The following CST9 variants were observed in gnomAD, a reference collection of about 807,000 sequenced individuals.
CST9 encodes cystatin 9.
Under a neutral mutation model 7.7 loss-of-function variants are expected in CST9, and 11 were observed. The observed-to-expected ratio is 1.44, with a 90% CI of 0.90 to 2.38. The LOEUF is 2.38. Ranked by LOEUF, CST9 falls within the 30% of genes most tolerant of loss-of-function variation. CST9 has a pLI of 0.00. For missense variants in CST9, 214 were observed against 199.1 expected, an observed-to-expected ratio of 1.07 and a Z score of -0.45; for synonymous variants, 71 against 74.3, an observed-to-expected ratio of 0.96 and a Z score of 0.23.
rs774661361 is a variant in CST9, at chr20:23,605,833, G to A, written c.32C>T (p.Pro11Leu). The change falls in exon 1 of 2, where the codon CCC becomes CTC. Residue 11 changes from proline to leucine, a missense_variant. Coordinates refer to ENST00000376971, the MANE Select transcript of CST9 (RefSeq NM_001008693.3). The stretch of plus-strand genomic sequence containing the variant: ...CATGAGAAGCAGTGACAGTGCCCAG[G>A]GCATAGCCTTCCTCCTCTGCGGACT... MSSPQRRKAM[P>L]WALSLLLMGF... 7 of 1,614,136 alleles carry A rather than the reference G, an allele frequency of 4.3e-6. No homozygotes were observed. The Admixed American group carries it at 1.2e-4, about 27-fold the overall frequency.
At chr20:23,603,907 C>T (rs1327540062) in intron 1 of CST9, among the ~76,000 whole-genome samples, 173 bp from the exon 2 acceptor site, 2 of 152,138 alleles carry the variant, frequency 1.3e-5, no homozygotes, top group Non-Finnish European at 2.9e-5. Flanking sequence ...CTTCTCTAGA[C>T]TGAGGAGTTA....
Position 23,605,903 on chromosome 20 carries a change from T to A in CST9, c.-39A>T, listed in dbSNP as rs1222309935. 2 of 1,608,642 alleles carry A rather than the reference T, an allele frequency of 1.2e-6. No individual in the cohort carries two copies. Among genetic ancestry groups the A allele is most frequent in the Admixed American group, 3.4e-5 (2 of 59,642 alleles). ...GCAGCCCTTGCCTTTGCCCTTCAGATCCCTGGCGTCCACTGGAGCCTTCCA... is the reference window on the plus strand; with the variant it reads ...GCAGCCCTTGCCTTTGCCCTTCAGAACCCTGGCGTCCACTGGAGCCTTCCA... On this transcript the variant is annotated 5_prime_UTR_variant, in exon 1 of 2. Transcript: ENST00000376971.
rs1272642101 is a variant in CST9, at chr20:23,603,746, A to T, written c.256-12T>A. The stretch of plus-strand genomic sequence containing the variant: ...ATCTTACCTCGCCACTGTTGGACAA[A>T]AGAAGATTAAAGTGGATGCACCGTC... On this transcript the variant is annotated splice_polypyrimidine_tract_variant and intron_variant, in intron 1 of 1. Coordinates refer to ENST00000376971, the MANE Select transcript of CST9 (RefSeq NM_001008693.3). 6.2e-7 allele frequency: 1 copy of T among 1,613,616 alleles called. No homozygotes were observed. The highest frequency in any genetic ancestry group is 1.7e-5 in the Admixed American group (1 of 59,986).
chr20:23,604,584 A>T (rs1278017132), intron 1 of CST9, among the ~76,000 whole-genome samples: 2 of 152,220 alleles, frequency 1.3e-5, no homozygotes, highest in Non-Finnish European at 2.9e-5. Context: ...AATCTCTGAG[A>T]CTTCCAAGGT....
intron 1 of CST9, among the ~76,000 whole-genome samples, chr20:23,604,620 A>T (rs970419639): frequency 6.6e-6 from 1 of 152,184 alleles, no homozygotes; most frequent in Non-Finnish European, 1.5e-5. Flanking sequence ...AGCAGCCACC[A>T]TTACTGGACC....
Position 23,605,645 on chromosome 20 carries a change from G to A in CST9, c.220C>T (p.Leu74=), listed in dbSNP as rs1431731897. The change falls in exon 1 of 2, where the codon CTG becomes TTG. Residue 74 remains leucine, a synonymous_variant. Transcript: ENST00000376971. ...ATGCTATCCTCCCTCCATGAACTCAGGACGCGCAACAGCCTGTAGGCATGC... is the reference window on the plus strand; with the variant it reads ...ATGCTATCCTCCCTCCATGAACTCAAGACGCGCAACAGCCTGTAGGCATGC... The part of the protein sequence containing the change: ...EEHAYRLLRV[L]SSWREDSMDR... 6.2e-7 allele frequency: 1 copy of A among 1,613,976 alleles called. No homozygotes were observed. The highest frequency in any genetic ancestry group is 1.3e-5 in the African/African-American group (1 of 74,898).
Position 23,603,186 on chromosome 20 carries a change from C to A in CST9, c.*324G>T, listed in dbSNP as rs569028379. 6 of 1,192,640 alleles carry A rather than the reference C, an allele frequency of 5.0e-6. No homozygotes were observed. Among genetic ancestry groups the A allele is most frequent in the Admixed American group, 4.1e-5 (1 of 24,144 alleles). 73.9% of individuals were successfully genotyped at this position (1,192,640 alleles called of 1,614,324 possible). ...GCTGCAGCTCAGCAGGGCCTAGGAG[C>A]GAGGGCAGTGGGGCTTCTTCTCAGC... is the stretch of plus-strand genomic sequence containing the variant. On this transcript the variant is annotated 3_prime_UTR_variant, in exon 2 of 2. Transcript: ENST00000376971.
At chr20:23,603,864 G>GC in intron 1 of CST9, 130 bp from the exon 2 acceptor site, 1 of 951,600 alleles carries the variant, frequency 1.1e-6, no homozygotes, top group Non-Finnish European at 1.6e-6. Context: ...CATGGGCCTG[G>GC]CATCAGCTCA....
At position 23,605,611 on chromosome 20, in the gene CST9, T is replaced by A; in HGVS notation, c.254A>T (p.Lys85Met). Reference sequence around the variant, plus strand: ...CCAGAAGAGGATGTGGTCACCAACCTTTCTGTCCATGCTATCCTCCCTCCA... The same window carrying A: ...CCAGAAGAGGATGTGGTCACCAACCATTCTGTCCATGCTATCCTCCCTCCA... ...SSWREDSMDR[K>M]WRGKMVFSMN... The change falls in exon 1 of 2, where the codon AAG (lysine) becomes ATG (methionine). Residue 85 changes from lysine (K) to methionine (M), a missense_variant and splice_region_variant. Transcript: ENST00000376971. The A allele has an allele frequency of 6.2e-7, 1 of 1,613,810 alleles. No individual in the cohort carries two copies. Among genetic ancestry groups the A allele is most frequent in the Non-Finnish European group, 8.5e-7 (1 of 1,179,812 alleles).
intron 1 of CST9, among the ~76,000 whole-genome samples, chr20:23,604,416 T>A (rs529958354): frequency 6.6e-5 from 10 of 152,286 alleles, no homozygotes; most frequent in Middle Eastern, 6.8e-3. Context: ...GGAAGCCATG[T>A]GGAAAGCTTT....
In CST9 at chr20:23,602,838, C is replaced by T; in HGVS notation, c.*672G>A. On this transcript the variant is annotated 3_prime_UTR_variant, in exon 2 of 2. Coordinates refer to ENST00000376971, the MANE Select transcript of CST9 (RefSeq NM_001008693.3). ...CCATTCCTGGGGCCAGCAATTGTGC[C>T]ACGTGGCTCTGGCCTTCAGGTCTAG... The T allele has an allele frequency of 2.0e-6, 2 of 985,696 alleles. No individual in the cohort carries two copies. The allele number at this position is 985,696 out of a possible 1,614,324, so 61.1% of individuals were successfully genotyped here. A position where few individuals can be genotyped will look rare whatever the true frequency, so the allele number is the denominator to read the frequency against.
chr20:23,603,797 G>C, intron 1 of CST9, 63 bp from the exon 2 acceptor site: 1 of 1,529,328 alleles, frequency 6.5e-7, no homozygotes, highest in South Asian at 1.2e-5. Context: ...AGCTACTAGT[G>C]AAGATGCCAT....
chr20:23,605,739 G>A lies in CST9; in HGVS notation c.126C>T (p.Val42=), dbSNP rs1568692972. The A allele has an allele frequency of 6.2e-7, 1 of 1,614,216 alleles. No homozygotes were observed. Among genetic ancestry groups the A allele is most frequent in the Non-Finnish European group, 8.5e-7 (1 of 1,180,046 alleles). The change falls in exon 1 of 2, where the codon GTC becomes GTT. Residue 42 remains valine (V), a synonymous_variant. Coordinates refer to ENST00000376971, the MANE Select transcript of CST9 (RefSeq NM_001008693.3). Reference sequence around the variant, plus strand: ...CTGTGGCGAGGAACATAGGATCCTGGACTATTTTATTATTACCACCCATTT... The same window carrying A: ...CTGTGGCGAGGAACATAGGATCCTGAACTATTTTATTATTACCACCCATTT... ...EEEMGGNNKI[V]QDPMFLATVE... is the part of the protein sequence containing the mutation.
Position 23,603,624 on chromosome 20 carries a change from G to A in CST9, c.366C>T (p.Asn122=). The A allele has an allele frequency of 1.2e-6, 2 of 1,614,192 alleles. No individual in the cohort carries two copies. The highest frequency in any genetic ancestry group is 1.7e-6 in the Non-Finnish European group (2 of 1,180,024). Residue 122 remains asparagine (N), a synonymous_variant, in exon 2 of 2, where the codon AAC becomes AAT. Coordinates refer to ENST00000376971, the MANE Select transcript of CST9 (RefSeq NM_001008693.3). ...GAAAGCTGATGCCCTGTCTTACGTT[G>A]TTCAGCTCCAGGCTTTCTTGAAAAG... The part of the protein sequence containing the change: ...NCPFQESLEL[N]NVRQGISFPQ...
In CST9 at chr20:23,603,271, A is replaced by T; in HGVS notation, c.*239T>A. 7.2e-7 allele frequency: 1 copy of T among 1,389,270 alleles called. No individual in the cohort carries two copies. The highest frequency in any genetic ancestry group is 9.3e-7 in the Non-Finnish European group (1 of 1,072,128). 86.1% of individuals were successfully genotyped at this position (1,389,270 alleles called of 1,614,324 possible). Reference sequence around the variant, plus strand: ...AACCCTGAGAAAAGTACCCACAGACATTGTCACCATTGTCTCCAGGCTCTT... The same window carrying T: ...AACCCTGAGAAAAGTACCCACAGACTTTGTCACCATTGTCTCCAGGCTCTT... On this transcript the variant is annotated 3_prime_UTR_variant, in exon 2 of 2. Transcript: ENST00000376971.
chr20:23,603,875 C>T (rs1978690258), intron 1 of CST9, 141 bp from the exon 2 acceptor site: 2 of 867,380 alleles, frequency 2.3e-6, no homozygotes, highest in East Asian at 4.9e-5. Context: ...CATCAGCTCA[C>T]TGGAGGTGAA....
At position 23,602,837 on chromosome 20, in the gene CST9, C is replaced by G. The variant is rs560826642; in HGVS notation, c.*673G>C. 5 of 985,704 alleles carry G rather than the reference C, an allele frequency of 5.1e-6. No homozygotes were observed. The South Asian group carries it at 2.3e-4, about 46-fold the overall frequency. 61.1% of individuals were successfully genotyped at this position (985,704 alleles called of 1,614,324 possible). On this transcript the variant is annotated 3_prime_UTR_variant, in exon 2 of 2. Transcript: ENST00000376971. ...CCCATTCCTGGGGCCAGCAATTGTG[C>G]CACGTGGCTCTGGCCTTCAGGTCTA... is the stretch of plus-strand genomic sequence containing the variant.
chr20:23,602,793 AG>A lies in CST9; in HGVS notation c.*716del. 2 of 985,684 alleles carry A rather than the reference AG, an allele frequency of 2.0e-6. No homozygotes were observed. The highest frequency in any genetic ancestry group is 9.4e-5 in the South Asian group (2 of 21,290). 61.1% of individuals were successfully genotyped at this position (985,684 alleles called of 1,614,324 possible). A position where few individuals can be genotyped will look rare whatever the true frequency, so the allele number is the denominator to read the frequency against. ...ATCTTGTGGCATCTGCCCTCAACAC[AG>A]GTTCCATCTCCACCTTGCCCATTCC... On this transcript the variant is annotated 3_prime_UTR_variant, in exon 2 of 2. Transcript: ENST00000376971.
chr20:23,605,505 C>T, intron 1 of CST9, 105 bp downstream of exon 1: 2 of 1,313,792 alleles, frequency 1.5e-6, no homozygotes, highest in Non-Finnish European at 1.1e-6. Flanking sequence ...GACTACCTGA[C>T]TATGGACTGC....
Sources: allele counts gnomAD v4.1 joint callset (sites outside exome capture counted in the v4.1 genomes callset), GRCh38; gene constraint gnomAD v4.1.1; transcripts MANE v1.5; gene names NCBI Gene and HGNC (gene_info 2026-07-23, HGNC 2026-07-21).